The following DNAH2 variants were observed in gnomAD, a reference collection of about 807,000 sequenced individuals.
DNAH2 encodes the protein axonemal beta dynein heavy chain 2.
A neutral mutation model predicts 523.5 loss-of-function variants in DNAH2; 323 were observed. The observed-to-expected ratio is 0.62, with a 90% CI of 0.56 to 0.68. The LOEUF is 0.68. Among genes scored for constraint, DNAH2 ranks in the 30% least tolerant of loss-of-function variants. The pLI is 0.00. For missense variants in DNAH2, 4,907 were observed against 5,701.5 expected, an observed-to-expected ratio of 0.86 and a Z score of 4.49; for synonymous variants, 2,093 against 2,177.4, an observed-to-expected ratio of 0.96 and a Z score of 1.08.
Position 7,818,159 on chromosome 17 carries a change from A to T in DNAH2, c.10387+63A>T, listed in dbSNP as rs897098528. 5 of 1,604,760 alleles carry T rather than the reference A, an allele frequency of 3.1e-6. No homozygotes were observed. In the East Asian group the frequency reaches 1.1e-4, roughly 36 times the overall value. ...TAGGGAGGGAAGGGCTGGCTCTCTGACTGTGTCCTCTTCTTACCTGTCCCT... is the reference window on the plus strand; with the variant it reads ...TAGGGAGGGAAGGGCTGGCTCTCTGTCTGTGTCCTCTTCTTACCTGTCCCT... On this transcript the variant is annotated intron_variant, in intron 68 of 85. Transcript: ENST00000572933.
At position 7,775,923 on chromosome 17, in the gene DNAH2, G is replaced by A. The variant is rs1597619281; in HGVS notation, c.4822-101G>A. The stretch of plus-strand genomic sequence containing the variant: ...GTTGGCCATTCCCGCTTTTCTCTGG[G>A]TACAAAGCCCTGAAGTGCTGCTCCA... On this transcript the variant is annotated intron_variant, in intron 30 of 85. Coordinates refer to ENST00000572933, the MANE Select transcript of DNAH2 (RefSeq NM_020877.5). The A allele has an allele frequency of 2.1e-5, 31 of 1,496,354 alleles. No individual in the cohort carries two copies. In the East Asian group the frequency reaches 7.2e-4, roughly 35 times the overall value. 92.7% of individuals were successfully genotyped at this position (1,496,354 alleles called of 1,614,324 possible).
intron 60 of DNAH2, 63 bp from the exon 61 acceptor site, chr17:7,805,189 C>T: frequency 6.2e-7 from 1 of 1,601,462 alleles, no homozygotes. Flanking sequence ...GAGGTGGCAC[C>T]TCAGCTAGGT....
chr17:7,783,800 CAA>C (rs58121431), intron 39 of DNAH2, among the ~76,000 whole-genome samples: 2 of 102,026 alleles, frequency 2.0e-5, no homozygotes, highest in African/African-American at 3.6e-5. Flanking sequence ...ACCCTGTTTC[CAA>C]AAAAAAAAAA....
chr17:7,829,161 C>T (rs980812516), intron 77 of DNAH2, among the ~76,000 whole-genome samples: 11 of 152,110 alleles, frequency 7.2e-5, no homozygotes, highest in Admixed American at 2.0e-4. Context: ...ACTACAGGTG[C>T]GTGTCACCAC....
chr17:7,720,894 A>G (rs939034618), intron 2 of DNAH2, among the ~76,000 whole-genome samples: 1 of 151,716 alleles, frequency 6.6e-6, no homozygotes, highest in Non-Finnish European at 1.5e-5. Context: ...GAGGTTCAGT[A>G]TGGAGAATCC....
chr17:7,740,867 G>T lies in DNAH2; in HGVS notation c.1564G>T (p.Glu522Ter). ...AVDLYMLFNSELALVNRERNK... is the reference protein window; with the variant it reads ...AVDLYMLFNS ...GGATCTCTACATGCTGTTCAATAGC[G>T]AGCTGGCCCTGGTGAACCGTGAACG... The change falls in exon 11 of 86, where the codon GAG becomes TAG. Residue 522 changes from glutamate (E) to a stop codon, truncating the protein, a stop_gained. Coordinates refer to ENST00000572933, the MANE Select transcript of DNAH2 (RefSeq NM_020877.5). LOFTEE classifies it high-confidence loss of function. The T allele has an allele frequency of 6.2e-7, 1 of 1,613,984 alleles. No homozygotes were observed.
In DNAH2 at chr17:7,719,788, G is replaced by A; in HGVS notation, c.54G>A (p.Gln18=). ...GATTGAGTGGCCGAGGAAGCTCCCA[G>A]GCAAGCTGGTCAGGGCGGGCCACTC... ...KQRLSGRGSS[Q]ASWSGRATRA... Residue 18 remains glutamine (Q), a synonymous_variant, in exon 2 of 86, where the codon CAG becomes CAA. Transcript: ENST00000572933. The A allele has an allele frequency of 1.2e-6, 2 of 1,614,188 alleles. No individual in the cohort carries two copies. Among genetic ancestry groups the A allele is most frequent in the Non-Finnish European group, 1.7e-6 (2 of 1,180,030 alleles).
chr17:7,765,383 T>G lies in DNAH2; in HGVS notation c.3337-8T>G. 1 of 1,609,040 alleles carries G rather than the reference T, an allele frequency of 6.2e-7. No individual in the cohort carries two copies. The highest frequency in any genetic ancestry group is 1.1e-5 in the South Asian group (1 of 90,274). On this transcript the variant is annotated splice_region_variant and splice_polypyrimidine_tract_variant and intron_variant, in intron 20 of 85. Transcript: ENST00000572933. ...TCCTGGTCATCCTCCACTCTCTGAC[T>G]CCCCCAGGTCCTGGAGATGCTGGAC...
chr17:7,777,128 CAAAA>C (rs748410853), intron 32 of DNAH2, among the ~76,000 whole-genome samples: 1 of 87,958 alleles, frequency 1.1e-5, no homozygotes. Context: ...GACTCTGTCT[CAAAA>C]AAAAAAAAAA....
chr17:7,799,284 T>C (rs919968074), intron 56 of DNAH2, 42 bp downstream of exon 56: 1 of 1,606,028 alleles, frequency 6.2e-7, no homozygotes, highest in Non-Finnish European at 8.5e-7. Flanking sequence ...TTCTGTGTGC[T>C]CCCTCACCCT....
rs1475515458 is a variant in DNAH2 at position 7,794,349 on chromosome 17, C to T, written c.7665C>T (p.Thr2555=). The T allele has an allele frequency of 6.2e-7, 1 of 1,609,336 alleles. No individual in the cohort carries two copies. Among genetic ancestry groups the T allele is most frequent in the African/African-American group, 1.3e-5 (1 of 74,606 alleles). The stretch of plus-strand genomic sequence containing the variant: ...GTCGCTTCAACATTATCAACATGAC[C>T]TTCCCCACAGTGAGGACCTCATGGG... ...LRSRFNIINM[T]FPTKSQIIRI... Residue 2555 remains threonine (T), a synonymous_variant, in exon 49 of 86, where the codon ACC becomes ACT. Transcript: ENST00000572933.
chr17:7,758,101 T>C (rs571713008), intron 13 of DNAH2, among the ~76,000 whole-genome samples: 9 of 152,184 alleles, frequency 5.9e-5, no homozygotes, highest in Non-Finnish European at 1.3e-4. Context: ...AACTGCAGTG[T>C]CCAACATGGT....
At position 7,776,976 on chromosome 17, in the gene DNAH2, G is replaced by C. The variant is rs111542224; in HGVS notation, c.5058+87G>C. ...TAGGAGCCCACTCGCTTGAGCCCAGGAGTTCGAGACCAGCCTGGGCAATAT... is the reference window on the plus strand; with the variant it reads ...TAGGAGCCCACTCGCTTGAGCCCAGCAGTTCGAGACCAGCCTGGGCAATAT... On this transcript the variant is annotated intron_variant, in intron 32 of 85. Coordinates refer to ENST00000572933, the MANE Select transcript of DNAH2 (RefSeq NM_020877.5). 446 of 1,133,878 alleles carry C rather than the reference G, an allele frequency of 3.9e-4. 3 individuals are homozygous for C. In the African/African-American group the frequency reaches 5.8e-3, roughly 15 times the overall value. 70.2% of individuals were successfully genotyped at this position (1,133,878 alleles called of 1,614,324 possible).
intron 49 of DNAH2, among the ~76,000 whole-genome samples, chr17:7,796,001 G>A (rs181743123): frequency 3.7e-3 from 535 of 144,760 alleles, no homozygotes; most frequent in Middle Eastern, 0.014. Flanking sequence ...TATATATAGT[G>A]TTATATAATA....
intron 11 of DNAH2, among the ~76,000 whole-genome samples, chr17:7,741,319 C>CCTTCCTTCCTTCCTTCCT (rs1555540854): frequency 8.1e-5 from 3 of 37,040 alleles, no homozygotes; most frequent in African/African-American, 2.8e-4. Flanking sequence ...CCCTCCCTCC[C>CCTTCCTTCCTTCCTTCCT]TCCCTCCTTC....
At chr17:7,823,085 G>C (rs1450970627) in intron 73 of DNAH2, among the ~76,000 whole-genome samples, 1 of 152,126 alleles carries the variant, frequency 6.6e-6, no homozygotes, top group African/African-American at 2.4e-5. Flanking sequence ...CCTGAGATCA[G>C]GAGTTCGAGA....
At position 7,833,538 on chromosome 17, in the gene DNAH2, T is replaced by A; in HGVS notation, c.*5T>A. On this transcript the variant is annotated 3_prime_UTR_variant, in exon 86 of 86. Transcript: ENST00000572933. ...CTCATGAGCCTGGACAGCTGAGACC[T>A]CCTCCTCTTCTCCGCTTGAGAGAGA... The A allele has an allele frequency of 1.2e-6, 2 of 1,613,158 alleles. No homozygotes were observed. The highest frequency in any genetic ancestry group is 1.7e-6 in the Non-Finnish European group (2 of 1,179,910).
Position 7,776,972 on chromosome 17 carries a change from C to T in DNAH2, c.5058+83C>T. ...GTGGTAGGAGCCCACTCGCTTGAGC[C>T]CAGGAGTTCGAGACCAGCCTGGGCA... On this transcript the variant is annotated intron_variant, in intron 32 of 85. Transcript: ENST00000572933. The T allele has an allele frequency of 3.4e-6, 4 of 1,192,944 alleles. 1 individual carries two copies. The South Asian group carries it at 3.9e-5, about 12-fold the overall frequency. The allele number at this position is 1,192,944 out of a possible 1,614,324, so 73.9% of individuals were successfully genotyped here.
Position 7,833,453 on chromosome 17 carries a change from A to G in DNAH2, c.13204A>G (p.Ile4402Val). Residue 4402 changes from isoleucine to valine, a missense_variant, in exon 86 of 86, where the codon ATT (isoleucine) becomes GTT (valine). By Grantham distance (29) the Ile-to-Val change is conservative. This residue lies in a region of DNAH2 where 1,851 missense variants were observed against 2,139.4 expected (regional missense o/e 0.87). Coordinates refer to ENST00000572933, the MANE Select transcript of DNAH2 (RefSeq NM_020877.5). Reference sequence around the variant, plus strand: ...AGACCGAGCCTCCTTTGTCATCGGCATTGACCTGCGGTCTGGGGCCATGAC... The same window carrying G: ...AGACCGAGCCTCCTTTGTCATCGGCGTTGACCTGCGGTCTGGGGCCATGAC... ...SSDRASFVIG[I>V]DLRSGAMTPD... The G allele has an allele frequency of 1.2e-6, 2 of 1,614,188 alleles. No homozygotes were observed. Among genetic ancestry groups the G allele is most frequent in the Non-Finnish European group, 1.7e-6 (2 of 1,180,030 alleles).
Sources: gnomAD v4.1 joint callset for allele counts (sites outside exome capture counted in the v4.1 genomes callset) on GRCh38, gnomAD v4.1.1 for gene constraint, gnomAD v4.1.1 regional missense constraint, MANE v1.5 for transcripts, NCBI Gene and HGNC (gene_info 2026-07-23, HGNC 2026-07-21) for gene names.